Variants in RYR2 observed in about 807,000 individuals in gnomAD.
RYR2 encodes the protein ryanodine receptor 2, also known as cardiac muscle ryanodine receptor-calcium release channel.
In RYR2, 227 loss-of-function variants were observed where a neutral mutation model predicts 601.1. The ratio of observed to expected loss-of-function variants is 0.38; its 90% CI spans 0.34 to 0.42. The LOEUF (loss-of-function observed/expected upper bound fraction) is 0.42. RYR2 is among the 10% of genes least tolerant of loss of function. The pLI, the probability that RYR2 is intolerant of heterozygous loss-of-function variation, is 1.00. For missense variants in RYR2, 4,646 were observed against 6,156.5 expected (o/e 0.75, Z 8.21); for synonymous variants, 2,223 against 2,175.1 (o/e 1.02, Z -0.61).
At chr1:237,426,697 G>A (rs1706196002) in intron 12 of RYR2, among the ~76,000 whole-genome samples, 1 of 152,052 alleles carries the variant, frequency 6.6e-6, no homozygotes, top group Non-Finnish European at 1.5e-5. Flanking sequence ...CGAAGAAGTA[G>A]AAAAACATGA....
rs377062831 is a variant in RYR2 at position 237,335,094 on chromosome 1, G to A, written c.273+4112G>A. 2.0e-5 allele frequency among the ~76,000 whole-genome samples: 3 copies of A among 152,252 alleles called. No individual in the cohort carries two copies. In the South Asian group the frequency reaches 6.2e-4, roughly 32 times the overall value. ...CCTTCTCTGGGACATAGCCAGTCCA[G>A]TTCCCACTTCCTCCCCTCGACCCCA... On this transcript the variant is annotated intron_variant, in intron 3 of 104. Coordinates refer to ENST00000366574, the MANE Select transcript of RYR2 (RefSeq NM_001035.3).
At chr1:237,601,686 T>A (rs2148509265) in intron 34 of RYR2, among the ~76,000 whole-genome samples, 2 of 152,260 alleles carry the variant, frequency 1.3e-5, no homozygotes, top group South Asian at 2.1e-4. Context: ...TATCAAAACA[T>A]CATGTTACAC....
rs769320446 is a variant in RYR2, at chr1:237,469,142, C to G, written c.1663C>G (p.Leu555Val). Residue 555 changes from leucine to valine, a missense_variant, in exon 17 of 105, where the codon CTC (leucine) becomes GTC (valine). Physicochemically the swap from Leu to Val is conservative, Grantham distance 32. Around this residue, in one of 17 missense-constraint regions of RYR2, gnomAD observed 1,807 missense variants for 2,088.1 expected, o/e 0.87. Coordinates refer to ENST00000366574, the MANE Select transcript of RYR2 (RefSeq NM_001035.3). ...AAACTGTGCTCAATTTTCTGGCTCCCTCGACTGGTTGATCAGCAGATTGGA... is the reference window on the plus strand; with the variant it reads ...AAACTGTGCTCAATTTTCTGGCTCCGTCGACTGGTTGATCAGCAGATTGGA... ...RKNCAQFSGS[L>V]DWLISRLERL... 2 of 1,612,352 alleles carry G rather than the reference C, an allele frequency of 1.2e-6. No individual in the cohort carries two copies. The highest frequency in any genetic ancestry group is 1.1e-5 in the South Asian group (1 of 90,950).
chr1:237,617,048 G>T (rs945130358), intron 37 of RYR2, among the ~76,000 whole-genome samples: 2 of 152,154 alleles, frequency 1.3e-5, no homozygotes, highest in African/African-American at 4.8e-5. Context: ...ATTTCATGGG[G>T]AAAGAACCAG....
intron 1 of RYR2, among the ~76,000 whole-genome samples, chr1:237,248,275 CA>C (rs1687083311): frequency 1.1e-4 from 1 of 8,854 alleles, no homozygotes. Context: ...CCACCCCCCG[CA>C]ACCCCGCCCC....
chr1:237,261,662 G>A (rs763777790), intron 1 of RYR2, among the ~76,000 whole-genome samples: 3 of 152,124 alleles, frequency 2.0e-5, no homozygotes, highest in East Asian at 1.9e-4. Flanking sequence ...TTGGGAGGCC[G>A]AGGTGGGCAG....
chr1:237,696,356 A>G (rs1423164730), intron 63 of RYR2, among the ~76,000 whole-genome samples: 1 of 152,030 alleles, frequency 6.6e-6, no homozygotes, highest in African/African-American at 2.4e-5. Flanking sequence ...TCTCTTTCCC[A>G]TTGTCTATAC....
At chr1:237,668,868 ATTTTATTTTTTATTTT>A (rs1684560087) in intron 58 of RYR2, among the ~76,000 whole-genome samples, 2 of 152,266 alleles carry the variant, frequency 1.3e-5, no homozygotes, top group South Asian at 2.1e-4. Context: ...AAGATTCCAC[ATTTTATTTTTTATTTT>A]TTTTATTTTT....
intron 72 of RYR2, 78 bp from the exon 73 acceptor site, chr1:237,718,384 G>A: frequency 2.8e-6 from 2 of 719,428 alleles, no homozygotes; most frequent in Non-Finnish European, 4.8e-6. Context: ...TTTCAAAAAA[G>A]GTTTGGATTG....
At chr1:237,631,822 G>A (rs1353223251) in intron 42 of RYR2, among the ~76,000 whole-genome samples, 3 of 151,128 alleles carry the variant, frequency 2.0e-5, no homozygotes, top group Middle Eastern at 3.2e-3. Flanking sequence ...TAGAGACGGG[G>A]TTTCACTGTG....
At chr1:237,250,532 G>A (rs1453125230) in intron 1 of RYR2, among the ~76,000 whole-genome samples, 1 of 152,140 alleles carries the variant, frequency 6.6e-6, no homozygotes, top group African/African-American at 2.4e-5. Context: ...TCTCAAGTGT[G>A]TCCTGGCAGT....
chr1:237,246,584 G>T (rs1686869990), intron 1 of RYR2, among the ~76,000 whole-genome samples: 1 of 152,118 alleles, frequency 6.6e-6, no homozygotes, highest in Admixed American at 6.5e-5. Context: ...CTACAGGCAT[G>T]CACAACTGCA....
chr1:237,320,267 T>C (rs773020544), intron 2 of RYR2, among the ~76,000 whole-genome samples: 3 of 152,164 alleles, frequency 2.0e-5, no homozygotes, highest in Non-Finnish European at 2.9e-5. Flanking sequence ...ATGCAGCGTA[T>C]AAATATTTTT....
At chr1:237,107,980 C>G (rs186029156) in intron 1 of RYR2, among the ~76,000 whole-genome samples, 2 of 152,270 alleles carry the variant, frequency 1.3e-5, no homozygotes, top group African/African-American at 4.8e-5. Context: ...AAAAAGGTTC[C>G]GGTCCTGAGC....
intron 1 of RYR2, among the ~76,000 whole-genome samples, chr1:237,256,258 T>C (rs1572379426): frequency 6.6e-6 from 1 of 152,304 alleles, no homozygotes; most frequent in Non-Finnish European, 1.5e-5. Context: ...TCTGCCATGA[T>C]TGGGAGGCCT....
intron 1 of RYR2, among the ~76,000 whole-genome samples, chr1:237,204,511 A>AC (rs1681569945): frequency 1.3e-5 from 2 of 151,810 alleles, no homozygotes; most frequent in Non-Finnish European, 2.9e-5. Context: ...AACAAAAAAA[A>AC]AAAAAAAGAA....
intron 3 of RYR2, among the ~76,000 whole-genome samples, chr1:237,339,713 C>G (rs1230276603): frequency 3.3e-5 from 5 of 152,224 alleles, no homozygotes; most frequent in African/African-American, 9.6e-5. Context: ...TCTCTTTGCC[C>G]TGTTCTGTGT....
At chr1:237,762,457 A>T (rs1163528338) in intron 84 of RYR2, among the ~76,000 whole-genome samples, 1 of 152,234 alleles carries the variant, frequency 6.6e-6, no homozygotes, top group Non-Finnish European at 1.5e-5. Flanking sequence ...CTGTCTTGGA[A>T]TTAGAAATCA....
At chr1:237,144,753 A>AT (rs2148777867) in intron 1 of RYR2, among the ~76,000 whole-genome samples, 1 of 152,220 alleles carries the variant, frequency 6.6e-6, no homozygotes, top group African/African-American at 2.4e-5. Context: ...TCCTTGTGCT[A>AT]TTTTCCTCAG....
Sources: gnomAD v4.1 joint callset for allele counts (sites outside exome capture counted in the v4.1 genomes callset) on GRCh38, gnomAD v4.1.1 for gene constraint, gnomAD v4.1.1 regional missense constraint, MANE v1.5 for transcripts, NCBI Gene and HGNC (gene_info 2026-07-23, HGNC 2026-07-21) for gene names.